ANO1: variants seen among roughly 807,000 people sequenced by gnomAD.
ANO1 encodes anoctamin-1.
In ANO1, 59 loss-of-function variants were observed where a neutral mutation model predicts 124.0. The ratio of observed to expected loss-of-function variants is 0.48; its 90% confidence interval spans 0.39 to 0.59. ANO1 has a LOEUF of 0.59. ANO1 is among the 20% of genes least tolerant of loss of function. ANO1 has a pLI of 0.00. For synonymous variants in ANO1, 529 were observed against 532.0 expected, an observed-to-expected ratio of 0.99 and a Z score of 0.08; for missense variants, 1,059 against 1,328.0, an observed-to-expected ratio of 0.80 and a Z score of 3.15.
At chr11:69,982,116 C>G (rs1265792487), upstream of ANO1, among the ~76,000 whole-genome samples, 1 of 152,202 alleles carries the variant, frequency 6.6e-6, no homozygotes, top group Non-Finnish European at 1.5e-5. Flanking sequence ...GGGTGCTCAA[C>G]ACTGTGAATG....
chr11:70,133,312 G>A (rs2046833430), intron 11 of ANO1, among the ~76,000 whole-genome samples: 1 of 152,216 alleles, frequency 6.6e-6, no homozygotes, highest in South Asian at 2.1e-4. Context: ...CCATCAGTAA[G>A]CAGAGCATTG....
chr11:69,996,143 C>G (rs1336112389), intron 1 of ANO1, among the ~76,000 whole-genome samples: 1 of 74,390 alleles, frequency 1.3e-5, no homozygotes, highest in Non-Finnish European at 2.6e-5. Context: ...AAATGAAGTA[C>G]TGGAGATTTC....
chr11:70,013,653 T>C (rs1359382832), intron 1 of ANO1, among the ~76,000 whole-genome samples: 3 of 150,988 alleles, frequency 2.0e-5, no homozygotes, highest in Non-Finnish European at 3.0e-5. Context: ...AAACAAAAAA[T>C]TAGCCAGGTG....
chr11:70,084,580 G>A (rs61032791), intron 1 of ANO1, among the ~76,000 whole-genome samples: 1,595 of 152,266 alleles, frequency 0.01, 42 homozygotes, highest in African/African-American at 0.036. Context: ...CCTTGCAGCT[G>A]GAGAGGGGCC....
At chr11:70,055,291 A>G (rs185516426) in intron 1 of ANO1, among the ~76,000 whole-genome samples, 105 of 152,260 alleles carry the variant, frequency 6.9e-4, no homozygotes, top group Non-Finnish European at 1.2e-3. Context: ...ATTTTAAGTT[A>G]AAATATACAA....
chr11:70,127,125 A>G (rs1305643264), intron 10 of ANO1, among the ~76,000 whole-genome samples: 6 of 131,502 alleles, frequency 4.6e-5, no homozygotes, highest in East Asian at 4.9e-4. Flanking sequence ...TGGTGCTCCC[A>G]GGAGGTGAGA....
intron 12 of ANO1, among the ~76,000 whole-genome samples, chr11:70,150,292 G>A (rs2047553956): frequency 1.3e-5 from 2 of 152,216 alleles, no homozygotes; most frequent in African/African-American, 2.4e-5. Flanking sequence ...CTAACATAGA[G>A]GGAAAGCCAG....
At chr11:70,138,868 A>T (rs960981031) in intron 11 of ANO1, among the ~76,000 whole-genome samples, 1 of 151,264 alleles carries the variant, frequency 6.6e-6, no homozygotes, top group Non-Finnish European at 1.5e-5. Context: ...TGTACAGGTT[A>T]TTTTGTCACC....
intron 5 of ANO1, among the ~76,000 whole-genome samples, chr11:70,106,324 A>C (rs946343942): frequency 6.6e-5 from 10 of 152,216 alleles, no homozygotes; most frequent in Non-Finnish European, 1.0e-4. Context: ...CCACCAGCCA[A>C]GCTGGGGCTG....
chr11:70,123,208 T>C (rs962859478), intron 8 of ANO1, among the ~76,000 whole-genome samples: 1 of 152,138 alleles, frequency 6.6e-6, no homozygotes, highest in African/African-American at 2.4e-5. Flanking sequence ...CCTCCAACCA[T>C]GGCCATGCTT....
intron 8 of ANO1, among the ~76,000 whole-genome samples, chr11:70,116,810 C>T (rs910696633): frequency 1.1e-4 from 17 of 152,172 alleles, no homozygotes; most frequent in African/African-American, 4.1e-4. Flanking sequence ...CTTATCTTCT[C>T]GGGACAATCT....
intron 17 of ANO1, 44 bp from the exon 18 acceptor site, chr11:70,161,578 C>T: frequency 1.9e-6 from 3 of 1,588,742 alleles, no homozygotes; most frequent in Non-Finnish European, 2.6e-6. Flanking sequence ...CTGTTGGGGG[C>T]CATCCCAGCC....
intron 1 of ANO1, among the ~76,000 whole-genome samples, chr11:70,014,482 G>C (rs1045667635): frequency 6.6e-6 from 1 of 152,114 alleles, no homozygotes; most frequent in Non-Finnish European, 1.5e-5. Context: ...TGCAGTTCTA[G>C]TTCACTCACC....
rs1472374518 is a variant in ANO1 at position 70,163,506 on chromosome 11, G to A, written c.1950+166G>A. The A allele has an allele frequency of 1.0e-5, 8 of 788,530 alleles. No individual in the cohort carries two copies. The Admixed American group carries it at 1.6e-4, about 16-fold the overall frequency. 48.8% of individuals were successfully genotyped at this position (788,530 alleles called of 1,614,324 possible). A position where few individuals can be genotyped will look rare whatever the true frequency, so the allele number is the denominator to read the frequency against. ...TCTGTTCCCCTGATGTGGTGGGGTGGGCTTTAATCTTATCTGGTGTGTTCA... is the reference window on the plus strand; with the variant it reads ...TCTGTTCCCCTGATGTGGTGGGGTGAGCTTTAATCTTATCTGGTGTGTTCA... On this transcript the variant is annotated intron_variant, in intron 19 of 25. Transcript: ENST00000355303.
intron 1 of ANO1, among the ~76,000 whole-genome samples, chr11:70,066,795 A>T (rs1382329668): frequency 6.6e-6 from 1 of 152,080 alleles, no homozygotes. Flanking sequence ...CTGTCCTGGC[A>T]CAACCTGACC....
chr11:70,185,516 C>G (rs2049080628), intron 24 of ANO1, 74 bp from the exon 25 acceptor site: 1 of 1,408,382 alleles, frequency 7.1e-7, no homozygotes, highest in Non-Finnish European at 9.9e-7. Context: ...AGGCGTCCCT[C>G]GAGCTGCCTG....
chr11:70,170,832 C>A, intron 21 of ANO1, 55 bp from the exon 22 acceptor site: 2 of 1,559,852 alleles, frequency 1.3e-6, no homozygotes, highest in East Asian at 4.8e-5. Context: ...GGTGGAGTCC[C>A]CCCTTATGGG....
intron 1 of ANO1, among the ~76,000 whole-genome samples, chr11:70,032,371 C>T (rs4980749): frequency 6.6e-6 from 1 of 151,980 alleles, no homozygotes; most frequent in South Asian, 2.1e-4. Context: ...CAGGCAGGTG[C>T]CCCTGGGAGA....
chr11:69,980,665 A>G, the ANO1 span, among the ~76,000 whole-genome samples: 111 of 152,212 alleles, frequency 7.3e-4, no homozygotes, highest in Middle Eastern at 0.014. Context: ...TGAGGATTGC[A>G]TAACAATGTG....
Sources: gnomAD v4.1 joint callset for allele counts (sites outside exome capture counted in the v4.1 genomes callset) on GRCh38, gnomAD v4.1.1 for gene constraint, MANE v1.5 for transcripts, NCBI Gene and HGNC (gene_info 2026-07-23, HGNC 2026-07-21) for gene names.